Variants in NAV2 observed in about 807,000 individuals in gnomAD.
NAV2 encodes helicase, APC down-regulated 1.
A neutral mutation model predicts 223.2 loss-of-function variants in NAV2; 54 were observed. The ratio of observed to expected loss-of-function variants is 0.24; its 90% CI spans 0.19 to 0.30. The LOEUF is 0.30. NAV2 is among the 10% of genes least tolerant of loss of function. NAV2 has a pLI of 1.00. For synonymous variants in NAV2, 1,279 were observed against 1,239.3 expected, an observed-to-expected ratio of 1.03 and a Z score of -0.67; for missense variants, 2,806 against 3,147.5, an observed-to-expected ratio of 0.89 and a Z score of 2.60.
At chr11:19,714,023 A>G (rs1049078108) in intron 1 of NAV2, 61 bp downstream of exon 1, 19 of 1,585,004 alleles carry the variant, frequency 1.2e-5, no homozygotes, top group Admixed American at 3.4e-5. Flanking sequence ...TTCTTTCGGG[A>G]TGGTGTGGGA....
chr11:19,498,970 C>T (rs1233298448), intron 1 of NAV2, among the ~76,000 whole-genome samples: 1 of 152,222 alleles, frequency 6.6e-6, no homozygotes, highest in Non-Finnish European at 1.5e-5. Flanking sequence ...TTAGTTTAAA[C>T]TTCTCACCAT....
chr11:20,003,265 G>T (rs867937470), intron 11 of NAV2, among the ~76,000 whole-genome samples: 1 of 152,162 alleles, frequency 6.6e-6, no homozygotes, highest in South Asian at 2.1e-4. Context: ...GTGAGAACTG[G>T]CAATTGATCA....
chr11:19,594,892 C>A (rs980058958), intron 1 of NAV2, among the ~76,000 whole-genome samples: 8 of 152,288 alleles, frequency 5.3e-5, no homozygotes, highest in Admixed American at 1.3e-4. Flanking sequence ...TTGCAAAGAT[C>A]CTCTCTCAAG....
At chr11:19,518,633 G>T (rs1345337724) in intron 1 of NAV2, 1 of 152,224 alleles carries the variant, frequency 6.6e-6, no homozygotes, top group East Asian at 1.9e-4. Context: ...TCATTCGCTT[G>T]ATCATTCAGC....
chr11:19,853,622 C>T (rs716133), intron 3 of NAV2, among the ~76,000 whole-genome samples: 40,155 of 152,118 alleles, frequency 0.26, 7,473 homozygotes, highest in African/African-American at 0.54. Flanking sequence ...GCATTCCTGC[C>T]TTGTACATTC....
intron 1 of NAV2, among the ~76,000 whole-genome samples, chr11:19,388,531 T>G (rs1281005797): frequency 6.6e-6 from 1 of 152,240 alleles, no homozygotes; most frequent in African/African-American, 2.4e-5. Context: ...TCCTGTACTG[T>G]AATCTTCACA....
At chr11:19,954,573 A>G (rs1167965916) in intron 10 of NAV2, among the ~76,000 whole-genome samples, 2 of 152,190 alleles carry the variant, frequency 1.3e-5, no homozygotes, top group Non-Finnish European at 2.9e-5. Flanking sequence ...TACCTATAAT[A>G]TCTAATACAA....
chr11:19,908,962 G>A (rs1328802650), intron 6 of NAV2, among the ~76,000 whole-genome samples: 1 of 152,114 alleles, frequency 6.6e-6, no homozygotes, highest in Non-Finnish European at 1.5e-5. Context: ...AACTTCATGA[G>A]TATGAGGATA....
chr11:19,637,839 G>T (rs1350328231), intron 1 of NAV2, among the ~76,000 whole-genome samples: 1 of 152,262 alleles, frequency 6.6e-6, no homozygotes, highest in African/African-American at 2.4e-5. Context: ...ACATGAGATT[G>T]GGTAAGGACA....
chr11:19,535,420 C>T (rs2044156014), intron 1 of NAV2, among the ~76,000 whole-genome samples: 1 of 152,138 alleles, frequency 6.6e-6, no homozygotes, highest in Non-Finnish European at 1.5e-5. Flanking sequence ...TGGGTTCACT[C>T]ACCAGCTCAC....
Position 20,105,519 on chromosome 11 carries a change from G to T in NAV2, c.6645-12G>T. ...CATCATCAGCTTGAAAAGTGTTTCT[G>T]ACTTCCTCCAGATGGGTGCTTTGTG... is the stretch of plus-strand genomic sequence containing the variant. On this transcript the variant is annotated splice_polypyrimidine_tract_variant and intron_variant, in intron 34 of 37. Coordinates refer to ENST00000349880, the MANE Select transcript of NAV2 (RefSeq NM_145117.5). The T allele has an allele frequency of 6.2e-7, 1 of 1,603,902 alleles. No individual in the cohort carries two copies. The highest frequency in any genetic ancestry group is 8.5e-7 in the Non-Finnish European group (1 of 1,173,822).
At chr11:20,015,641 C>T (rs1039461525) in intron 11 of NAV2, among the ~76,000 whole-genome samples, 2 of 152,066 alleles carry the variant, frequency 1.3e-5, no homozygotes, top group Admixed American at 6.6e-5. Context: ...ATAAGCTCCA[C>T]GAGGGGGTAG....
In NAV2 at chr11:20,045,560, C is replaced by T. The variant is rs895637232; in HGVS notation, c.3792C>T (p.Ser1264=). 1 of 1,614,020 alleles carries T rather than the reference C, an allele frequency of 6.2e-7. No individual in the cohort carries two copies. Among genetic ancestry groups the T allele is most frequent in the Non-Finnish European group, 8.5e-7 (1 of 1,180,032 alleles). The change falls in exon 14 of 38, where the codon TCC becomes TCT. Residue 1264 remains serine, a synonymous_variant. Coordinates refer to ENST00000349880, the MANE Select transcript of NAV2 (RefSeq NM_145117.5). ...GISSDNESVA[S]CNSVKVNPAA... The stretch of plus-strand genomic sequence containing the variant: ...CATCAGACAACGAGAGTGTGGCTTC[C>T]TGTAACTCGGTGAAAGTGAATCCGG...
At chr11:19,497,361 A>G (rs935972303) in intron 1 of NAV2, among the ~76,000 whole-genome samples, 7 of 152,350 alleles carry the variant, frequency 4.6e-5, no homozygotes, top group African/African-American at 1.7e-4. Context: ...AGTAACGGGT[A>G]GCTCTCTCTC....
Position 19,998,414 on chromosome 11 carries a change from G to C in NAV2, c.2768+14167G>C, listed in dbSNP as rs989176648. On this transcript the variant is annotated intron_variant, in intron 11 of 37. Transcript: ENST00000349880. The surrounding 1 kb of genome is among the most constrained non-coding windows in gnomAD (Gnocchi z 5.0). ...ACTGTACCCACCAGGGCCTTCATGC[G>C]GTACGTTCTCCACCCAGAAGCTATT... 1.3e-5 allele frequency among the ~76,000 whole-genome samples: 2 copies of C among 151,922 alleles called. No individual in the cohort carries two copies. The highest frequency in any genetic ancestry group is 2.9e-5 in the Non-Finnish European group (2 of 68,010).
At chr11:19,631,354 G>T (rs894203563) in intron 1 of NAV2, among the ~76,000 whole-genome samples, 1 of 152,076 alleles carries the variant, frequency 6.6e-6, no homozygotes, top group Non-Finnish European at 1.5e-5. Context: ...AGAACATGCG[G>T]TGTTTGGTTT....
At chr11:19,777,930 C>T in intron 1 of NAV2, 1 of 455,918 alleles carries the variant, frequency 2.2e-6, no homozygotes, top group Non-Finnish European at 4.4e-6. Flanking sequence ...GTGCACATGG[C>T]TATTGATCTC....
At chr11:19,549,247 C>T (rs1302967543) in intron 1 of NAV2, among the ~76,000 whole-genome samples, 1 of 152,178 alleles carries the variant, frequency 6.6e-6, no homozygotes, top group Non-Finnish European at 1.5e-5. Flanking sequence ...CCAAGAGCAG[C>T]CCTGGGGCTC....
chr11:20,069,618 A>G (rs1189772558), intron 22 of NAV2, among the ~76,000 whole-genome samples: 1 of 152,184 alleles, frequency 6.6e-6, no homozygotes, highest in Non-Finnish European at 1.5e-5. Context: ...AGCCTGAGAT[A>G]TCGAAAGGTG....
Sources: gnomAD v4.1 joint callset for allele counts (sites outside exome capture counted in the v4.1 genomes callset) on GRCh38, gnomAD v4.1.1 for gene constraint, Gnocchi (gnomAD v3.1) non-coding constraint, MANE v1.5 for transcripts, NCBI Gene and HGNC (gene_info 2026-07-23, HGNC 2026-07-21) for gene names.